The following MMS22L variants were observed in gnomAD, a reference collection of about 807,000 sequenced individuals.
MMS22L encodes protein MMS22-like.
In MMS22L, 74 loss-of-function variants were observed where a neutral mutation model predicts 159.1. The observed-to-expected ratio is 0.47, with a 90% CI of 0.39 to 0.56. The LOEUF (loss-of-function observed/expected upper bound fraction) is 0.56, where lower values mean the gene tolerates loss of function less well. MMS22L is among the 20% of genes least tolerant of loss of function. The probability of loss-of-function intolerance (pLI) is 0.00; values close to 1 mark genes in which losing one functional copy is unlikely to be tolerated. For missense variants in MMS22L, 1,351 were observed against 1,422.1 expected, an observed-to-expected ratio of 0.95 and a Z score of 0.80; for synonymous variants, 517 against 506.9, an observed-to-expected ratio of 1.02 and a Z score of -0.27.
intron 22 of MMS22L, among the ~76,000 whole-genome samples, chr6:97,154,584 T>G (rs1054386333): frequency 1.3e-5 from 2 of 152,216 alleles, no homozygotes; most frequent in African/African-American, 4.8e-5. Flanking sequence ...CAATTTTAGC[T>G]CTGACACTTA....
At position 97,253,277 on chromosome 6, in the gene MMS22L, C is replaced by T. The variant is rs568450477; in HGVS notation, c.1119+1280G>A. On this transcript the variant is annotated intron_variant, in intron 10 of 24. Transcript: ENST00000683635. ...ACTAACCCTCAGATTCCATGGATGA[C>T]TTCTCAAAGCTGGGTCTATCCAATA... Among the ~76,000 whole-genome samples the T allele has an allele frequency of 2.1e-4, 32 of 151,822 alleles. No individual in the cohort carries two copies. The South Asian group carries it at 6.0e-3, about 29-fold the overall frequency.
chr6:97,157,866 A>G (rs901093775), intron 22 of MMS22L, among the ~76,000 whole-genome samples: 1 of 151,940 alleles, frequency 6.6e-6, no homozygotes, highest in Non-Finnish European at 1.5e-5. Context: ...CTCTTTTTCT[A>G]TTGATTGGAA....
At chr6:97,184,820 A>G (rs537106262) in intron 15 of MMS22L, among the ~76,000 whole-genome samples, 1 of 152,242 alleles carries the variant, frequency 6.6e-6, no homozygotes, top group Non-Finnish European at 1.5e-5. Context: ...CCTAGCAGCC[A>G]GAGGACTCTT....
At chr6:97,166,825 T>A (rs1324195498) in intron 20 of MMS22L, among the ~76,000 whole-genome samples, 1 of 152,126 alleles carries the variant, frequency 6.6e-6, no homozygotes, top group Non-Finnish European at 1.5e-5. Context: ...CCTCTATTCA[T>A]CTCTCCCTCT....
Position 97,248,502 on chromosome 6 carries a change from CA to C in MMS22L, c.1120-1813del, listed in dbSNP as rs373728584. ...AAAATTGTTGACTTTTTGACATACA[CA>C]AATAAAATGAATGCAAAAAAGCATT... On this transcript the variant is annotated intron_variant, in intron 10 of 24. Coordinates refer to ENST00000683635, the MANE Select transcript of MMS22L (RefSeq NM_001350599.2). 3.3e-4 allele frequency among the ~76,000 whole-genome samples: 50 copies of C among 152,244 alleles called. No individual in the cohort carries two copies. The East Asian group carries it at 8.1e-3, about 25-fold the overall frequency.
At chr6:97,221,714 T>A (rs1336863451) in intron 14 of MMS22L, among the ~76,000 whole-genome samples, 2 of 152,018 alleles carry the variant, frequency 1.3e-5, no homozygotes, top group Non-Finnish European at 2.9e-5. Flanking sequence ...CAACAATATC[T>A]CTACTTGGTT....
At chr6:97,168,340 A>G (rs1288500422) in intron 19 of MMS22L, 100 bp from the exon 20 acceptor site, 5 of 1,002,110 alleles carry the variant, frequency 5.0e-6, no homozygotes, top group Non-Finnish European at 7.5e-6. Flanking sequence ...ATGGGACCAA[A>G]TTAAAGTAGG....
intron 14 of MMS22L, among the ~76,000 whole-genome samples, chr6:97,217,058 C>T (rs1809092533): frequency 6.6e-6 from 1 of 151,906 alleles, no homozygotes; most frequent in African/African-American, 2.4e-5. Context: ...CTTATGTTTT[C>T]TCTTTTTCCT....
chr6:97,164,839 G>A (rs750397295), intron 21 of MMS22L, among the ~76,000 whole-genome samples: 1 of 151,854 alleles, frequency 6.6e-6, no homozygotes, highest in Non-Finnish European at 1.5e-5. Context: ...GGCTGGTCTC[G>A]AACTCCTGAC....
chr6:97,144,767 TTC>T lies in MMS22L; in HGVS notation c.*2037_*2038del, dbSNP rs897321023. The T allele has an allele frequency of 1.8e-4, 28 of 151,464 alleles. No individual in the cohort carries two copies. Among genetic ancestry groups the T allele is most frequent in the African/African-American group, 5.6e-4 (23 of 41,372 alleles). 9.4% of individuals were successfully genotyped at this position (151,464 alleles called of 1,614,324 possible). ...AAAAGGAACTGAGCCATAAATTTTC[TTC>T]TTTTTTCAATTTAAAAAAAAGCTTT... On this transcript the variant is annotated 3_prime_UTR_variant, in exon 25 of 25. Transcript: ENST00000683635.
intron 21 of MMS22L, among the ~76,000 whole-genome samples, chr6:97,163,134 T>G (rs1418478076): frequency 2.6e-5 from 4 of 152,002 alleles, no homozygotes; most frequent in Non-Finnish European, 5.9e-5. Context: ...TACTGCTGAA[T>G]TCCTAATGCC....
intron 14 of MMS22L, among the ~76,000 whole-genome samples, chr6:97,219,123 C>CA (rs1268894444): frequency 6.6e-6 from 1 of 152,146 alleles, no homozygotes; most frequent in African/African-American, 2.4e-5. Flanking sequence ...TCTCCCTCGA[C>CA]ACGTGGGGAT....
intron 22 of MMS22L, among the ~76,000 whole-genome samples, chr6:97,152,461 A>G (rs571281545): frequency 2.0e-5 from 3 of 151,852 alleles, no homozygotes; most frequent in African/African-American, 7.3e-5. Context: ...GTACACAAAA[A>G]TAATGCAAAA....
chr6:97,154,987 T>C (rs1289390818), intron 22 of MMS22L, among the ~76,000 whole-genome samples: 3 of 152,204 alleles, frequency 2.0e-5, no homozygotes, highest in African/African-American at 7.2e-5. Context: ...GAGCTATTAG[T>C]ATAGTCACTT....
At chr6:97,213,917 A>G (rs1450184600) in intron 14 of MMS22L, among the ~76,000 whole-genome samples, 1 of 152,178 alleles carries the variant, frequency 6.6e-6, no homozygotes, top group African/African-American at 2.4e-5. Context: ...TTCCATCTAC[A>G]GAACTACAGC....
chr6:97,176,924 T>C (rs1804186324), intron 18 of MMS22L, among the ~76,000 whole-genome samples: 1 of 152,148 alleles, frequency 6.6e-6, no homozygotes, highest in African/African-American at 2.4e-5. Flanking sequence ...CGAGGGATAA[T>C]CTTGGGGAGA....
intron 10 of MMS22L, 66 bp downstream of exon 10, chr6:97,254,491 T>A: frequency 7.6e-7 from 1 of 1,317,434 alleles, no homozygotes; most frequent in Non-Finnish European, 1.1e-6. Context: ...ACTTATTTTC[T>A]AATTTGTCCA....
At chr6:97,187,106 G>A (rs1191361603) in intron 14 of MMS22L, among the ~76,000 whole-genome samples, 6 of 152,056 alleles carry the variant, frequency 3.9e-5, no homozygotes, top group African/African-American at 9.7e-5. Flanking sequence ...TGGCTTATGC[G>A]TGGTATTTTA....
intron 9 of MMS22L, among the ~76,000 whole-genome samples, chr6:97,256,829 C>T (rs896876989): frequency 5.3e-5 from 8 of 152,114 alleles, no homozygotes; most frequent in Admixed American, 1.3e-4. Context: ...TGCTTGTACT[C>T]CCAGCTACTA....
Sources: gnomAD v4.1 joint callset for allele counts (sites outside exome capture counted in the v4.1 genomes callset) on GRCh38, gnomAD v4.1.1 for gene constraint, MANE v1.5 for transcripts, NCBI Gene and HGNC (gene_info 2026-07-23, HGNC 2026-07-21) for gene names.